The following CD2AP variants were observed in gnomAD, a reference collection of about 807,000 sequenced individuals.
The protein encoded by CD2AP is CD2-associated protein.
A neutral mutation model predicts 85.1 loss-of-function variants in CD2AP; 46 were observed. The ratio of observed to expected loss-of-function variants is 0.54; its 90% CI spans 0.43 to 0.69. The LOEUF (loss-of-function observed/expected upper bound fraction) is 0.69. Among genes scored for constraint, CD2AP ranks in the 30% least tolerant of loss-of-function variants. The probability of loss-of-function intolerance (pLI) is 0.00; values close to 1 mark genes in which losing one functional copy is unlikely to be tolerated. For missense variants in CD2AP, 769 were observed against 729.5 expected, an observed-to-expected ratio of 1.05 and a Z score of -0.62; for synonymous variants, 255 against 252.9, an observed-to-expected ratio of 1.01 and a Z score of -0.08.
intron 2 of CD2AP, among the ~76,000 whole-genome samples, chr6:47,510,971 G>A (rs1260337202): frequency 6.7e-6 from 1 of 150,088 alleles, no homozygotes; most frequent in Non-Finnish European, 1.5e-5. Context: ...TACTCAGGAA[G>A]CTGAGGTGGG....
At chr6:47,554,806 C>G in intron 5 of CD2AP, 40 bp downstream of exon 5, 1 of 1,508,440 alleles carries the variant, frequency 6.6e-7, no homozygotes, top group Non-Finnish European at 9.0e-7. Context: ...TTTAAATAAA[C>G]TTTATATAGC....
chr6:47,544,598 T>G lies in CD2AP; in HGVS notation c.320-8T>G, dbSNP rs774334765. The G allele has an allele frequency of 1.3e-6, 2 of 1,559,944 alleles. No individual in the cohort carries two copies. Among genetic ancestry groups the G allele is most frequent in the Admixed American group, 3.3e-5 (2 of 59,932 alleles). On this transcript the variant is annotated splice_region_variant and splice_polypyrimidine_tract_variant and intron_variant, in intron 3 of 17. Coordinates refer to ENST00000359314, the MANE Select transcript of CD2AP (RefSeq NM_012120.3). ...TAATCTAATTTCTTATTATGTTACT[T>G]TCTTTAGAGACCAAGAAGCGTCAGT...
chr6:47,589,028 A>G (rs1562045966), intron 11 of CD2AP, among the ~76,000 whole-genome samples: 1 of 152,104 alleles, frequency 6.6e-6, no homozygotes, highest in Admixed American at 6.6e-5. Context: ...TTTAGGATCT[A>G]TCATAAGGAA....
intron 11 of CD2AP, among the ~76,000 whole-genome samples, chr6:47,591,318 G>A (rs1582599465): frequency 6.6e-6 from 1 of 152,104 alleles, no homozygotes; most frequent in Non-Finnish European, 1.5e-5. Context: ...GGCCTATGTG[G>A]TGGTTACTCT....
chr6:47,625,599 TTA>T lies in CD2AP; in HGVS notation c.*1376_*1377del, dbSNP rs1427803551. ...TTGCAAAAAATTGTTTTATGCTTTA[TTA>T]TATCGCAAATGAGTGTCAGATTTTT... On this transcript the variant is annotated 3_prime_UTR_variant, in exon 18 of 18. Transcript: ENST00000359314. 6.6e-6 allele frequency: 1 copy of T among 151,870 alleles called. No individual in the cohort carries two copies. Among genetic ancestry groups the T allele is most frequent in the African/African-American group, 2.4e-5 (1 of 41,446 alleles). 9.4% of individuals were successfully genotyped at this position (151,870 alleles called of 1,614,324 possible).
At chr6:47,530,528 C>A (rs1366756922) in intron 2 of CD2AP, among the ~76,000 whole-genome samples, 14 of 152,098 alleles carry the variant, frequency 9.2e-5, no homozygotes, top group Admixed American at 9.2e-4. Flanking sequence ...TCAATAACTT[C>A]TTCATTTTTA....
chr6:47,532,848 TATG>T (rs1356336904), intron 2 of CD2AP, among the ~76,000 whole-genome samples: 1 of 152,222 alleles, frequency 6.6e-6, no homozygotes, highest in Non-Finnish European at 1.5e-5. Flanking sequence ...GATATATTTT[TATG>T]ATACTGAGTT....
At chr6:47,602,742 A>G (rs80287617) in intron 13 of CD2AP, among the ~76,000 whole-genome samples, 1 of 150,380 alleles carries the variant, frequency 6.6e-6, no homozygotes. Context: ...AAAAAAAAAA[A>G]GCTGGGCATG....
At chr6:47,487,033 T>A (rs1479507302) in intron 1 of CD2AP, among the ~76,000 whole-genome samples, 2 of 152,230 alleles carry the variant, frequency 1.3e-5, no homozygotes. Flanking sequence ...GCATTTAACT[T>A]TAATTAAAAA....
At chr6:47,481,832 T>G (rs1765453631) in intron 1 of CD2AP, among the ~76,000 whole-genome samples, 1 of 152,224 alleles carries the variant, frequency 6.6e-6, no homozygotes, top group South Asian at 2.1e-4. Context: ...AGGTTGGAGT[T>G]CAGTGGCATG....
chr6:47,542,643 C>T (rs991347448), intron 3 of CD2AP, among the ~76,000 whole-genome samples: 1 of 152,116 alleles, frequency 6.6e-6, no homozygotes, highest in East Asian at 1.9e-4. Context: ...GCACTTTGAT[C>T]TTGGATTTCT....
chr6:47,565,510 T>G (rs926248054), intron 5 of CD2AP, among the ~76,000 whole-genome samples: 2 of 152,098 alleles, frequency 1.3e-5, no homozygotes, highest in Non-Finnish European at 2.9e-5. Context: ...TTAAACCTCT[T>G]TAAGAATCTC....
intron 4 of CD2AP, among the ~76,000 whole-genome samples, chr6:47,554,156 C>T (rs991055227): frequency 2.0e-5 from 3 of 152,014 alleles, no homozygotes; most frequent in Admixed American, 2.0e-4. Flanking sequence ...AGCAGTCTGC[C>T]TACCTTGGGC....
chr6:47,589,350 G>A (rs1768711409), intron 11 of CD2AP, among the ~76,000 whole-genome samples: 1 of 51,718 alleles, frequency 1.9e-5, no homozygotes, highest in Admixed American at 2.3e-4. Context: ...CATTTAAGAA[G>A]TTGTTTGATG....
intron 11 of CD2AP, among the ~76,000 whole-genome samples, chr6:47,583,046 G>T (rs1180356903): frequency 6.6e-6 from 1 of 152,148 alleles, no homozygotes; most frequent in Non-Finnish European, 1.5e-5. Flanking sequence ...GCCTTCCAAA[G>T]TGCTGGGATT....
chr6:47,478,183 G>C lies in CD2AP; in HGVS notation c.-62G>C. ...TCCAGCCGCGGGAGCGGCCGCGCGAGCCACCACTGGAGGAGGAGGAGGAGG... is the reference window on the plus strand; with the variant it reads ...TCCAGCCGCGGGAGCGGCCGCGCGACCCACCACTGGAGGAGGAGGAGGAGG... On this transcript the variant is annotated 5_prime_UTR_variant, in exon 1 of 18. Transcript: ENST00000359314. 1 of 1,551,194 alleles carries C rather than the reference G, an allele frequency of 6.4e-7. No homozygotes were observed. Among genetic ancestry groups the C allele is most frequent in the South Asian group, 1.2e-5 (1 of 84,204 alleles).
At chr6:47,491,592 A>C (rs1765737604) in intron 1 of CD2AP, among the ~76,000 whole-genome samples, 1 of 152,248 alleles carries the variant, frequency 6.6e-6, no homozygotes, top group East Asian at 1.9e-4. Context: ...AACATTCTGT[A>C]GTCAATGCCC....
intron 1 of CD2AP, among the ~76,000 whole-genome samples, chr6:47,501,610 C>T (rs991779308): frequency 7.3e-5 from 11 of 151,628 alleles, no homozygotes; most frequent in Non-Finnish European, 1.3e-4. Context: ...TCTGGTCATA[C>T]TCACTTTCCT....
At chr6:47,499,302 T>C (rs1765944371) in intron 1 of CD2AP, among the ~76,000 whole-genome samples, 1 of 79,838 alleles carries the variant, frequency 1.3e-5, no homozygotes, top group African/African-American at 3.4e-5. Context: ...CTAGGGTGTA[T>C]GTGCATGTGT....
Sources: allele counts gnomAD v4.1 joint callset (sites outside exome capture counted in the v4.1 genomes callset), GRCh38; gene constraint gnomAD v4.1.1; transcripts MANE v1.5; gene names NCBI Gene and HGNC (gene_info 2026-07-23, HGNC 2026-07-21).